The following DENND1C variants were observed in gnomAD, a reference collection of about 807,000 sequenced individuals.
DENND1C encodes the protein DENN domain-containing protein 1C.
A neutral mutation model predicts 87.9 loss-of-function variants in DENND1C; 64 were observed. The observed-to-expected ratio is 0.73, with a 90% confidence interval of 0.60 to 0.90. The LOEUF (loss-of-function observed/expected upper bound fraction) is 0.90, where lower values mean the gene tolerates loss of function less well. Among genes scored for constraint, DENND1C ranks in the 40% least tolerant of loss-of-function variants. The pLI is 0.00. For missense variants in DENND1C, 980 were observed against 1,037.0 expected (o/e 0.95, Z 0.76); for synonymous variants, 384 against 424.4 (o/e 0.90, Z 1.17).
Position 6,467,581 on chromosome 19 carries a change from G to C in DENND1C, c.2329C>G (p.Pro777Ala). The C allele has an allele frequency of 1.2e-6, 2 of 1,602,904 alleles. No homozygotes were observed. Among genetic ancestry groups the C allele is most frequent in the South Asian group, 2.2e-5 (2 of 89,554 alleles). ...EPGALNSPAT[P>A]TSNCQKSQPS... ...TGGGACTTTTGACAGTTGCTGGTGG[G>C]TGTAGCAGGGGAATTCAGGGCTCCT... is the stretch of plus-strand genomic sequence containing the variant. The change falls in exon 23 of 23, where the codon CCC (proline) becomes GCC (alanine). Residue 777 changes from proline (P) to alanine (A), a missense_variant. By Grantham distance (27) the Pro-to-Ala change is conservative. Coordinates refer to ENST00000381480, the MANE Select transcript of DENND1C (RefSeq NM_024898.4).
At chr19:6,470,623 T>TTTTTTG (rs1001430626) in intron 17 of DENND1C, among the ~76,000 whole-genome samples, 2 of 144,976 alleles carry the variant, frequency 1.4e-5, no homozygotes, top group African/African-American at 5.1e-5. Context: ...TTTTTTTGTT[T>TTTTTTG]TTTTTTTTTT....
rs765036989 is a variant in DENND1C, at chr19:6,470,300, G to A, written c.1357C>T (p.Arg453Cys). ...CCTGTCCAGCTCAGCCTCACCGAGC[G>A]GTACATGTTCTTGACGGCTGGTTGG... is the stretch of plus-strand genomic sequence containing the variant. ...KTQPAVKNMYRSAKSGLKGVQ... is the reference protein window; with the variant it reads ...KTQPAVKNMYCSAKSGLKGVQ... Residue 453 changes from arginine (R) to cysteine (C), a missense_variant, in exon 18 of 23, where the codon CGC (arginine) becomes TGC (cysteine). Physicochemically the swap from Arg to Cys is radical, Grantham distance 180. Transcript: ENST00000381480. 3.7e-6 allele frequency: 6 copies of A among 1,609,206 alleles called. No homozygotes were observed. The highest frequency in any genetic ancestry group is 3.3e-5 in the South Asian group (3 of 89,974).
rs71174916 is a variant in DENND1C at position 6,477,909 on chromosome 19, CAAA to C, written c.367-454_367-452del. Among the ~76,000 whole-genome samples, 204 of 134,418 alleles carry C rather than the reference CAAA, an allele frequency of 1.5e-3. 2 individuals are homozygous for C. Among genetic ancestry groups the C allele is most frequent in the African/African-American group, 1.5e-3 (55 of 37,506 alleles). The allele number at this position is 134,418 out of a possible 152,430, so 88.2% of individuals were successfully genotyped here. On this transcript the variant is annotated intron_variant, in intron 6 of 22. Transcript: ENST00000381480. ...TGAAAACACGTCTCTGTTAAAAGTA[CAAA>C]AAAAAAAAAAAAAATTAGCCGGGCT...
chr19:6,477,241 G>A lies in DENND1C; in HGVS notation c.490C>T (p.Pro164Ser), dbSNP rs571498088. The change falls in exon 8 of 23, where the codon CCT becomes TCT. Residue 164 changes from proline (P) to serine (S), a missense_variant. Transcript: ENST00000381480. ...TVSSGQGIPP[P>S]TRGNSKPLSC... is the part of the protein sequence containing the mutation. ...ACCGGCTTGCTATTCCCCCGGGTAG[G>A]GGGGGGGATACCCTGCCCGCTGGAG... 7.6e-6 allele frequency: 12 copies of A among 1,585,136 alleles called. No individual in the cohort carries two copies. The highest frequency in any genetic ancestry group is 2.3e-5 in the East Asian group (1 of 44,444).
chr19:6,479,823 C>T, intron 3 of DENND1C, 36 bp downstream of exon 3: 2 of 1,613,460 alleles, frequency 1.2e-6, no homozygotes, highest in African/African-American at 1.3e-5. Flanking sequence ...GGAGACTGGC[C>T]CTCGCCCTGG....
chr19:6,470,256 G>A lies in DENND1C; in HGVS notation c.1362+39C>T, dbSNP rs61368453. 2.6e-3 allele frequency: 4,160 copies of A among 1,580,844 alleles called. 82 individuals are homozygous for A. The African/African-American group carries it at 0.04, about 15-fold the overall frequency. ...AAGTGTCCTCTGTCCCCTCCCCCTC[G>A]TCACCCCAGCAAGAGTGGCCTGTCC... On this transcript the variant is annotated intron_variant, in intron 18 of 22. Coordinates refer to ENST00000381480, the MANE Select transcript of DENND1C (RefSeq NM_024898.4).
chr19:6,472,952 C>G lies in DENND1C; in HGVS notation c.1095G>C (p.Gln365His). The G allele has an allele frequency of 6.3e-7, 1 of 1,589,348 alleles. No homozygotes were observed. Reference sequence around the variant, plus strand: ...AGGCCTGCAGAGGTGCCCCAGGCTTCTGGGCCAAGAAGACTTCCTCACTGA... The same window carrying G: ...AGGCCTGCAGAGGTGCCCCAGGCTTGTGGGCCAAGAAGACTTCCTCACTGA... ...VTFSEEVFLA[Q>H]KPGAPLQAFH... is the part of the protein sequence containing the mutation. Residue 365 changes from glutamine to histidine, a missense_variant, in exon 15 of 23, where the codon CAG becomes CAC. Gln to His is a conservative substitution (Grantham distance 24, BLOSUM62 0). Coordinates refer to ENST00000381480, the MANE Select transcript of DENND1C (RefSeq NM_024898.4).
chr19:6,470,966 G>A (rs1346425461), intron 17 of DENND1C, among the ~76,000 whole-genome samples: 1 of 150,158 alleles, frequency 6.7e-6, no homozygotes, highest in Non-Finnish European at 1.5e-5. Flanking sequence ...GCAACAAAGT[G>A]GTTTTTGAGA....
intron 7 of DENND1C, 23 bp from the exon 8 acceptor site, chr19:6,477,306 T>C: frequency 6.2e-7 from 1 of 1,603,044 alleles, no homozygotes; most frequent in Non-Finnish European, 8.5e-7. Flanking sequence ...CACGACTCTG[T>C]GGTCATGATG....
At chr19:6,476,672 C>A in intron 10 of DENND1C, 185 bp downstream of exon 10, 1 of 613,522 alleles carries the variant, frequency 1.6e-6, no homozygotes, top group Non-Finnish European at 2.8e-6. Context: ...GGAGCTGCAG[C>A]GCAGCCCCCT....
chr19:6,472,916 C>T lies in DENND1C; in HGVS notation c.1131G>A (p.Arg377=). ...GTTTGAACAGCTGCAGGTGCACAGC[C>T]CGCCGGTGGAAGGCCTGCAGAGGTG... ...PGAPLQAFHR[R]AVHLQLFKQF... Residue 377 remains arginine (R), a synonymous_variant, in exon 15 of 23, where the codon CGG becomes CGA. Coordinates refer to ENST00000381480, the MANE Select transcript of DENND1C (RefSeq NM_024898.4). 6.3e-7 allele frequency: 1 copy of T among 1,588,340 alleles called. No individual in the cohort carries two copies. Among genetic ancestry groups the T allele is most frequent in the South Asian group, 1.2e-5 (1 of 86,822 alleles).
rs774788002 is a variant in DENND1C, at chr19:6,475,307, G to A, written c.1020C>T (p.Phe340=). 6 of 1,613,390 alleles carry A rather than the reference G, an allele frequency of 3.7e-6. No individual in the cohort carries two copies. Among genetic ancestry groups the A allele is most frequent in the African/African-American group, 1.3e-5 (1 of 75,060 alleles). The part of the protein sequence containing the change: ...RLFLKAQALL[F]GGYRDALVCS... The stretch of plus-strand genomic sequence containing the variant: ...AGACGAGTGCGTCGCGGTACCCCCC[G>A]AAGAGCAGGGCCTGGGCTTTGAGGA... The change falls in exon 14 of 23, where the codon TTC becomes TTT. Residue 340 remains phenylalanine, a synonymous_variant. Transcript: ENST00000381480.
In DENND1C at chr19:6,467,456, T is replaced by G. The variant is rs748376147; in HGVS notation, c.*48A>C. ...AGGAAAAAAACCAGCTTTTTTGGGCTCTTGTGGCTTTATTGAGGGACTGGG... is the reference window on the plus strand; with the variant it reads ...AGGAAAAAAACCAGCTTTTTTGGGCGCTTGTGGCTTTATTGAGGGACTGGG... On this transcript the variant is annotated 3_prime_UTR_variant, in exon 23 of 23. Transcript: ENST00000381480. 5 of 1,469,648 alleles carry G rather than the reference T, an allele frequency of 3.4e-6. No homozygotes were observed. Among genetic ancestry groups the G allele is most frequent in the Middle Eastern group, 2.2e-4 (1 of 4,496 alleles). The allele number at this position is 1,469,648 out of a possible 1,614,324, so 91.0% of individuals were successfully genotyped here. A position where few individuals can be genotyped will look rare whatever the true frequency, so the allele number is the denominator to read the frequency against.
In DENND1C at chr19:6,477,216, A is replaced by T. The variant is rs1323221685; in HGVS notation, c.513+2T>A. 6.3e-7 allele frequency: 1 copy of T among 1,587,338 alleles called. No homozygotes were observed. The highest frequency in any genetic ancestry group is 8.6e-7 in the Non-Finnish European group (1 of 1,167,018). ...CTTCCAGGGTCCCCGAGCCCCGCTCACCGGCTTGCTATTCCCCCGGGTAGG... is the reference window on the plus strand; with the variant it reads ...CTTCCAGGGTCCCCGAGCCCCGCTCTCCGGCTTGCTATTCCCCCGGGTAGG... On this transcript the variant is annotated splice_donor_variant, in intron 8 of 22. Transcript: ENST00000381480. LOFTEE classifies it high-confidence loss of function.
chr19:6,478,579 G>C (rs941828451), intron 6 of DENND1C, among the ~76,000 whole-genome samples: 1 of 151,976 alleles, frequency 6.6e-6, no homozygotes, highest in Non-Finnish European at 1.5e-5. Flanking sequence ...ATTTTGTAGA[G>C]ACGGGGGTCT....
In DENND1C at chr19:6,475,301, C is replaced by A. The variant is rs374096460; in HGVS notation, c.1026G>T (p.Gly342=). The A allele has an allele frequency of 3.7e-6, 6 of 1,613,184 alleles. No homozygotes were observed. The East Asian group carries it at 6.7e-5, about 18-fold the overall frequency. ...GGCTGCAGACGAGTGCGTCGCGGTA[C>A]CCCCCGAAGAGCAGGGCCTGGGCTT... The part of the protein sequence containing the change: ...FLKAQALLFG[G]YRDALVCSPG... The change falls in exon 14 of 23, where the codon GGG becomes GGT. Residue 342 remains glycine, a synonymous_variant. Coordinates refer to ENST00000381480, the MANE Select transcript of DENND1C (RefSeq NM_024898.4).
chr19:6,480,155 C>A (rs1348669549), intron 1 of DENND1C, 104 bp from the exon 2 acceptor site: 12 of 1,520,374 alleles, frequency 7.9e-6, no homozygotes, highest in Non-Finnish European at 1.1e-5. Flanking sequence ...CCACAAGGTG[C>A]GTCGGCATGT....
intron 17 of DENND1C, 65 bp downstream of exon 17, chr19:6,471,200 C>T: frequency 6.5e-7 from 1 of 1,546,300 alleles, no homozygotes; most frequent in Non-Finnish European, 8.8e-7. Flanking sequence ...CTATCTCCAC[C>T]TCCTAATGTG....
chr19:6,478,713 G>A, intron 6 of DENND1C, 70 bp downstream of exon 6: 1 of 1,511,240 alleles, frequency 6.6e-7, no homozygotes, highest in Non-Finnish European at 9.0e-7. Flanking sequence ...GATCTGAGAG[G>A]GAGGGGTTGG....
Sources: allele counts gnomAD v4.1 joint callset (sites outside exome capture counted in the v4.1 genomes callset), GRCh38; gene constraint gnomAD v4.1.1; transcripts MANE v1.5; gene names NCBI Gene and HGNC (gene_info 2026-07-23, HGNC 2026-07-21).